The following PARL variants were observed in gnomAD, a reference collection of about 807,000 sequenced individuals.
PARL encodes presenilin associated rhomboid like.
In PARL, 44 loss-of-function variants were observed where a neutral mutation model predicts 51.6. That is an observed-to-expected ratio of 0.85 (90% CI 0.67 to 1.10). The LOEUF is 1.10. Among genes scored for constraint, PARL ranks in the 50% least tolerant of loss-of-function variants. The pLI, the probability that PARL is intolerant of heterozygous loss-of-function variation, is 0.00. For missense variants in PARL, 441 were observed against 469.5 expected (o/e 0.94, Z 0.56); for synonymous variants, 172 against 164.0 (o/e 1.05, Z -0.37).
In PARL at chr3:183,882,240, T is replaced by A. The variant is rs866399255; in HGVS notation, c.125+2482A>T. Reference sequence around the variant, plus strand: ...AAAAAAAAATATATATATATATATATATATTTATATATATATATATATATA... The same window carrying A: ...AAAAAAAAATATATATATATATATAAATATTTATATATATATATATATATA... On this transcript the variant is annotated intron_variant, in intron 1 of 9. Coordinates refer to ENST00000317096, the MANE Select transcript of PARL (RefSeq NM_018622.7). 1.5e-4 allele frequency among the ~76,000 whole-genome samples: 3 copies of A among 19,930 alleles called. No homozygotes were observed. In the East Asian group the frequency reaches 6.2e-3, roughly 41 times the overall value. The allele number at this position is 19,930 out of a possible 152,430, so 13.1% of individuals were successfully genotyped here.
chr3:183,844,387 A>G, intron 4 of PARL, 61 bp from the exon 5 acceptor site: 1 of 1,010,308 alleles, frequency 9.9e-7, no homozygotes, highest in Non-Finnish European at 1.6e-6. Context: ...AGTCTGATCT[A>G]CATTACCCCC....
At chr3:183,842,487 C>A (rs1729440039) in intron 5 of PARL, 40 bp from the exon 6 acceptor site, 1 of 1,593,114 alleles carries the variant, frequency 6.3e-7, no homozygotes, top group Non-Finnish European at 8.6e-7. Flanking sequence ...TCATGAAACA[C>A]ACAGCCAATA....
rs753220214 is a variant in PARL at position 183,884,870 on chromosome 3, G to T, written c.-24C>A. The T allele has an allele frequency of 5.0e-6, 8 of 1,596,186 alleles. 1 individual carries two copies. Among genetic ancestry groups the T allele is most frequent in the Admixed American group, 3.3e-5 (2 of 59,866 alleles). On this transcript the variant is annotated 5_prime_UTR_variant, in exon 1 of 10. Transcript: ENST00000317096. ...ATCTTCCCAACCTCTGCCCCACCAT[G>T]GCCCGACCTTACCAACCCCAGCTGC...
At chr3:183,831,328 TTCACAGGTATACTGTC>T (rs1727916206) in intron 9 of PARL, among the ~76,000 whole-genome samples, 1 of 152,220 alleles carries the variant, frequency 6.6e-6, no homozygotes, top group Non-Finnish European at 1.5e-5. Context: ...ATACTTTAAT[TTCACAGGTATACTGTC>T]TGATTATACT....
intron 7 of PARL, among the ~76,000 whole-genome samples, chr3:183,837,409 A>G (rs1171828709): frequency 3.3e-5 from 5 of 152,360 alleles, no homozygotes; most frequent in African/African-American, 9.6e-5. Context: ...GCAAAGGCTG[A>G]GCAGAGCCTA....
intron 1 of PARL, among the ~76,000 whole-genome samples, chr3:183,875,979 A>T (rs7648408): frequency 0.59 from 89,531 of 152,084 alleles, 26,794 homozygotes; most frequent in Middle Eastern, 0.71. Context: ...GTGCTCTACA[A>T]ATCGAACAAC....
chr3:183,838,017 T>C (rs1335011885), intron 7 of PARL, among the ~76,000 whole-genome samples: 1 of 132,482 alleles, frequency 7.5e-6, no homozygotes, highest in Non-Finnish European at 1.6e-5. Flanking sequence ...AACAGTCCCA[T>C]TCAACTTTCT....
chr3:183,831,608 G>A (rs773735614), intron 9 of PARL, among the ~76,000 whole-genome samples: 4 of 152,142 alleles, frequency 2.6e-5, no homozygotes, highest in African/African-American at 4.8e-5. Flanking sequence ...AATATTCAGC[G>A]TATTAATATG....
intron 9 of PARL, among the ~76,000 whole-genome samples, chr3:183,831,430 CTT>C (rs1318610597): frequency 2.6e-5 from 4 of 152,240 alleles, no homozygotes; most frequent in Non-Finnish European, 5.9e-5. Context: ...CTAGGGCACT[CTT>C]TTCTGTAGCG....
intron 1 of PARL, among the ~76,000 whole-genome samples, chr3:183,882,222 A>AAATAT (rs1401913573): frequency 2.2e-5 from 1 of 46,110 alleles, no homozygotes; most frequent in African/African-American, 7.9e-5. Context: ...AAAAAAAAAA[A>AAATAT]ATATATATAT....
At chr3:183,830,971 G>A (rs1303862881) in intron 9 of PARL, among the ~76,000 whole-genome samples, 3 of 152,130 alleles carry the variant, frequency 2.0e-5, no homozygotes, top group Admixed American at 2.0e-4. Flanking sequence ...TTAATAAAGT[G>A]TTTTCCCAAA....
At chr3:183,826,513 A>G, downstream of PARL, 1 of 648,864 alleles carries the variant, frequency 1.5e-6, no homozygotes, top group Non-Finnish European at 1.9e-6. Context: ...CTCCATTTCA[A>G]GGTTGTACTT....
chr3:183,870,568 A>C (rs938930112), intron 1 of PARL, among the ~76,000 whole-genome samples: 6 of 152,038 alleles, frequency 3.9e-5, no homozygotes, highest in Admixed American at 3.3e-4. Context: ...TCTGGCCTGG[A>C]ATACGCCACC....
intron 3 of PARL, among the ~76,000 whole-genome samples, chr3:183,864,866 T>C (rs1732271998): frequency 6.7e-6 from 1 of 149,216 alleles, no homozygotes; most frequent in African/African-American, 2.4e-5. Flanking sequence ...TCGACTTGCA[T>C]ATAAAGTAAA....
chr3:183,839,875 G>A (rs1213103376), intron 7 of PARL, among the ~76,000 whole-genome samples: 5 of 152,034 alleles, frequency 3.3e-5, no homozygotes, highest in Non-Finnish European at 4.4e-5. Flanking sequence ...TGAGACTACC[G>A]GCATAAGCCA....
intron 7 of PARL, among the ~76,000 whole-genome samples, chr3:183,836,412 G>A (rs950654977): frequency 6.6e-6 from 1 of 151,852 alleles, no homozygotes; most frequent in Non-Finnish European, 1.5e-5. Flanking sequence ...GAATTTTCTC[G>A]ATGTGGCTTT....
intron 7 of PARL, among the ~76,000 whole-genome samples, chr3:183,834,449 T>C (rs1728316780): frequency 6.6e-6 from 1 of 152,064 alleles, no homozygotes; most frequent in Non-Finnish European, 1.5e-5. Context: ...ACACAGAACA[T>C]GGATGAGTCT....
chr3:183,828,542 C>T (rs144526518), downstream of PARL, among the ~76,000 whole-genome samples: 9 of 152,310 alleles, frequency 5.9e-5, no homozygotes, highest in East Asian at 1.7e-3. Flanking sequence ...AGAAACAAGT[C>T]CAGCCTGATG....
chr3:183,864,392 T>C lies in PARL; in HGVS notation c.463-1591A>G, dbSNP rs370698532. Among the ~76,000 whole-genome samples the C allele has an allele frequency of 1.1e-3, 169 of 152,200 alleles. 1 individual carries two copies. Among genetic ancestry groups the C allele is most frequent in the African/African-American group, 3.9e-3 (160 of 41,550 alleles). On this transcript the variant is annotated intron_variant, in intron 3 of 9. Coordinates refer to ENST00000317096, the MANE Select transcript of PARL (RefSeq NM_018622.7). ...TCCAGATTGGAAGGGCAATGTGTCA[T>C]TAAAAAAACAGAAGTGCTTGAAAAC... is the stretch of plus-strand genomic sequence containing the variant.
Sources: allele counts gnomAD v4.1 joint callset (sites outside exome capture counted in the v4.1 genomes callset), GRCh38; gene constraint gnomAD v4.1.1; transcripts MANE v1.5; gene names NCBI Gene and HGNC (gene_info 2026-07-23, HGNC 2026-07-21).